The following PPP2R5C variants were observed in gnomAD, a reference collection of about 807,000 sequenced individuals.
PPP2R5C encodes protein phosphatase 2 regulatory subunit B'gamma, also known as serine/threonine-protein phosphatase 2A 56 kDa regulatory subunit gamma isoform.
A neutral mutation model predicts 68.9 loss-of-function variants in PPP2R5C; 7 were observed. The ratio of observed to expected loss-of-function variants is 0.10; its 90% confidence interval spans 0.06 to 0.19. The LOEUF (loss-of-function observed/expected upper bound fraction) is 0.19, where lower values mean the gene tolerates loss of function less well. Among genes scored for constraint, PPP2R5C ranks in the 10% least tolerant of loss-of-function variants. The pLI is 1.00. For missense variants in PPP2R5C, 348 were observed against 641.3 expected (o/e 0.54, Z 4.94); for synonymous variants, 210 against 222.2 (o/e 0.95, Z 0.49).
chr14:101,925,592 A>C, exon 14 of PPP2R5C: 7 of 204,518 alleles, frequency 3.4e-5, no homozygotes, highest in East Asian at 1.1e-4. Flanking sequence ...GTTCTCCCAA[A>C]TGGAACTTAG....
Position 101,797,379 on chromosome 14 carries a change from C to T in PPP2R5C, c.259+11196C>T, listed in dbSNP as rs1279380794. On this transcript the variant is annotated intron_variant, in intron 3 of 14. Coordinates refer to the PPP2R5C transcript ENST00000328724. This position sits in a 1 kb window ranked among gnomAD's most constrained non-coding sequence, Gnocchi z 4.2. Reference sequence around the variant, plus strand: ...CAGTCAGTACACGAGTTAACAGTTGCGTGCTTGTCTGCCTGTGTCATCCAT... The same window carrying T: ...CAGTCAGTACACGAGTTAACAGTTGTGTGCTTGTCTGCCTGTGTCATCCAT... The T allele has an allele frequency of 1.1e-5, 5 of 438,724 alleles. No individual in the cohort carries two copies. In the East Asian group the frequency reaches 2.1e-4, roughly 19 times the overall value. 27.2% of individuals were successfully genotyped at this position (438,724 alleles called of 1,614,324 possible).
At chr14:101,805,703 A>G (rs189027752), upstream of PPP2R5C, among the ~76,000 whole-genome samples, 1 of 152,350 alleles carries the variant, frequency 6.6e-6, no homozygotes, top group Admixed American at 6.5e-5. Context: ...GTGTATGCCA[A>G]TGGAATATCA....
chr14:101,796,890 G>A (rs749392410), intron 3 of PPP2R5C: 12 of 304,458 alleles, frequency 3.9e-5, no homozygotes, highest in South Asian at 1.7e-4. Flanking sequence ...GGCTCAAGCC[G>A]TCCTTATCTA....
In PPP2R5C at chr14:101,915,326, T is replaced by A. The variant is rs187326695; in HGVS notation, c.1327-2505T>A. Among the ~76,000 whole-genome samples, 34 of 152,264 alleles carry A rather than the reference T, an allele frequency of 2.2e-4. No homozygotes were observed. The East Asian group carries it at 5.6e-3, about 25-fold the overall frequency. On this transcript the variant is annotated intron_variant, in intron 12 of 13. Transcript: ENST00000334743. The surrounding 1 kb of genome is among the most constrained non-coding windows in gnomAD (Gnocchi z 4.2). ...CGAACTCCTGACCTTGTGATCTACC[T>A]GCCTCGGCCTCCCAGAGTGCTGGGA...
chr14:101,911,298 G>T (rs770211386), intron 11 of PPP2R5C, among the ~76,000 whole-genome samples: 1 of 152,144 alleles, frequency 6.6e-6, no homozygotes, highest in African/African-American at 2.4e-5. Context: ...TGCCCTTTTG[G>T]GGTTTATATT....
At chr14:101,893,992 A>G (rs1013283930) in intron 7 of PPP2R5C, among the ~76,000 whole-genome samples, 9 of 152,246 alleles carry the variant, frequency 5.9e-5, no homozygotes, top group African/African-American at 2.2e-4. Context: ...CCTCTCTGCC[A>G]GGCCCCACTT....
In PPP2R5C at chr14:101,914,299, C is replaced by G. The variant is rs185930316; in HGVS notation, c.1326+1826C>G. 441 of 416,150 alleles carry G rather than the reference C, an allele frequency of 1.1e-3. 2 individuals carry two copies. The highest frequency in any genetic ancestry group is 8.1e-3 in the African/African-American group (395 of 48,540). The allele number at this position is 416,150 out of a possible 1,614,324, so 25.8% of individuals were successfully genotyped here. ...TCCCCATGAGTCTCGTCCACATGCTCTAGTCGCATGGCACATGGTCTCCTA... is the reference window on the plus strand; with the variant it reads ...TCCCCATGAGTCTCGTCCACATGCTGTAGTCGCATGGCACATGGTCTCCTA... On this transcript the variant is annotated intron_variant, in intron 12 of 13. Transcript: ENST00000334743.
intron 8 of PPP2R5C, among the ~76,000 whole-genome samples, chr14:101,901,471 A>C (rs1230291200): frequency 6.6e-6 from 1 of 152,220 alleles, no homozygotes; most frequent in African/African-American, 2.4e-5. Flanking sequence ...TCCAGCCTGG[A>C]CAACATAATG....
At chr14:101,837,544 A>G (rs1330944006) in intron 1 of PPP2R5C, among the ~76,000 whole-genome samples, 1 of 152,240 alleles carries the variant, frequency 6.6e-6, no homozygotes, top group Non-Finnish European at 1.5e-5. Context: ...TTATTCTCAC[A>G]TTATAATGCA....
intron 2 of PPP2R5C, among the ~76,000 whole-genome samples, chr14:101,764,820 G>GTTTTTTTTTT (rs2036767056): frequency 1.8e-5 from 1 of 56,918 alleles, no homozygotes; most frequent in Non-Finnish European, 3.7e-5. Context: ...TTTTTTTTTT[G>GTTTTTTTTTT]GTCTTTTGAT....
At chr14:101,789,738 C>G (rs1340009245) in intron 3 of PPP2R5C, 1 of 152,134 alleles carries the variant, frequency 6.6e-6, no homozygotes. Context: ...CAGCTTTTCC[C>G]GCAGCTCCCT....
chr14:101,820,130 A>G (rs2140261125), intron 1 of PPP2R5C: 1 of 152,342 alleles, frequency 6.6e-6, no homozygotes, highest in African/African-American at 2.4e-5. Flanking sequence ...CAAACTGTGG[A>G]TATTAAGACT....
intron 2 of PPP2R5C, among the ~76,000 whole-genome samples, chr14:101,857,755 C>G (rs988769954): frequency 1.3e-5 from 2 of 152,116 alleles, no homozygotes; most frequent in African/African-American, 4.8e-5. Flanking sequence ...AAACTAGTAC[C>G]CCCCACACAC....
chr14:101,867,424 T>A (rs1476630480), intron 2 of PPP2R5C, among the ~76,000 whole-genome samples: 3 of 151,788 alleles, frequency 2.0e-5, no homozygotes, highest in African/African-American at 7.3e-5. Flanking sequence ...AAAAAATTAA[T>A]AATTATGTAC....
rs1463066339 is a variant in PPP2R5C, at chr14:101,906,709, A to G, written c.1151+180A>G. On this transcript the variant is annotated intron_variant, in intron 10 of 13. Coordinates refer to ENST00000334743, the Ensembl canonical transcript of PPP2R5C. The surrounding 1 kb of genome is among the most constrained non-coding windows in gnomAD (Gnocchi z 4.0). ...GGTTGTTTCTGTGGCCGTTGAATTTACCACCTTATACCTTCATTCCTGCCA... is the reference window on the plus strand; with the variant it reads ...GGTTGTTTCTGTGGCCGTTGAATTTGCCACCTTATACCTTCATTCCTGCCA... The G allele has an allele frequency of 1.4e-6, 1 of 734,008 alleles. No homozygotes were observed. Among genetic ancestry groups the G allele is most frequent in the African/African-American group, 1.8e-5 (1 of 55,824 alleles). The allele number at this position is 734,008 out of a possible 1,614,324, so 45.5% of individuals were successfully genotyped here.
chr14:101,880,396 GCTCAGATGCTTGATA>G (rs987970080), intron 2 of PPP2R5C, among the ~76,000 whole-genome samples: 7 of 152,154 alleles, frequency 4.6e-5, no homozygotes, highest in East Asian at 1.9e-4. Context: ...CAGAGAACAA[GCTCAGATGCTTGATA>G]CTCAGATGCT....
intron 2 of PPP2R5C, chr14:101,766,340 G>A (rs2036860612): frequency 6.6e-6 from 1 of 152,186 alleles, no homozygotes; most frequent in South Asian, 2.1e-4. Flanking sequence ...GCCGATTCTT[G>A]CTTTGCCATA....
intron 2 of PPP2R5C, among the ~76,000 whole-genome samples, chr14:101,875,452 A>G (rs1839327353): frequency 6.6e-6 from 1 of 152,192 alleles, no homozygotes; most frequent in Non-Finnish European, 1.5e-5. Flanking sequence ...GTAAAGGTTT[A>G]ATGAGACATT....
intron 1 of PPP2R5C, among the ~76,000 whole-genome samples, chr14:101,813,986 GCTTTCATTTC>G (rs1208968035): frequency 2.6e-5 from 4 of 152,110 alleles, no homozygotes; most frequent in Admixed American, 2.0e-4. Flanking sequence ...CAAACCCATG[GCTTTCATTTC>G]CTGCTGCGCT....
Sources: gnomAD v4.1 joint callset for allele counts (sites outside exome capture counted in the v4.1 genomes callset) on GRCh38, gnomAD v4.1.1 for gene constraint, Gnocchi (gnomAD v3.1) non-coding constraint, MANE v1.5 for transcripts, NCBI Gene and HGNC (gene_info 2026-07-23, HGNC 2026-07-21) for gene names.